The following PLA2G4E variants were observed in gnomAD, a reference collection of about 807,000 sequenced individuals.
PLA2G4E encodes the protein phospholipase A2 group IVE, also known as cytosolic phospholipase A2 epsilon.
A neutral mutation model predicts 109.1 loss-of-function variants in PLA2G4E; 84 were observed. The ratio of observed to expected loss-of-function variants is 0.77; its 90% CI spans 0.65 to 0.92. The LOEUF (loss-of-function observed/expected upper bound fraction) is 0.92. PLA2G4E is among the 40% of genes least tolerant of loss of function. The pLI is 0.00. For synonymous variants in PLA2G4E, 469 were observed against 436.1 expected (o/e 1.08, Z -0.94); for missense variants, 1,057 against 1,076.6 (o/e 0.98, Z 0.25).
At chr15:42,017,920 C>G (rs116105679) in intron 1 of PLA2G4E, among the ~76,000 whole-genome samples, 291 of 152,304 alleles carry the variant, frequency 1.9e-3, no homozygotes, top group African/African-American at 6.6e-3. Context: ...TCCACTTGAG[C>G]CTTAGATCAC....
chr15:42,002,287 A>AAAAAAAAC (rs1555386330), intron 6 of PLA2G4E, among the ~76,000 whole-genome samples: 1 of 140,816 alleles, frequency 7.1e-6, no homozygotes, highest in Admixed American at 7.0e-5. Context: ...AAAAAAAAAA[A>AAAAAAAAC]GGTAAACTGT....
rs533773308 is a variant in PLA2G4E, at chr15:42,037,065, C to T, written c.183+13456G>A. Among the ~76,000 whole-genome samples the T allele has an allele frequency of 3.9e-5, 6 of 152,350 alleles. No individual in the cohort carries two copies. The South Asian group carries it at 1.0e-3, about 26-fold the overall frequency. On this transcript the variant is annotated intron_variant, in intron 1 of 19. Transcript: ENST00000399518. The stretch of plus-strand genomic sequence containing the variant: ...TCAGCCCCCTCCAGACTTTGGGTGC[C>T]AACGAGCATGGGGTGGGGGGTGAGG...
At chr15:42,040,200 A>G (rs1005255293) in intron 1 of PLA2G4E, among the ~76,000 whole-genome samples, 2 of 151,838 alleles carry the variant, frequency 1.3e-5, no homozygotes, top group Non-Finnish European at 2.9e-5. Context: ...ACACACACAC[A>G]CACGCACACA....
intron 1 of PLA2G4E, among the ~76,000 whole-genome samples, chr15:42,044,834 TG>T (rs370491252): frequency 1.3e-5 from 2 of 149,552 alleles, no homozygotes; most frequent in African/African-American, 4.9e-5. Flanking sequence ...GGCTGCTGGG[TG>T]GGGACAGAAT....
At position 42,002,264 on chromosome 15, in the gene PLA2G4E, C is replaced by CAAAAA. The variant is rs71108143; in HGVS notation, c.609+385_609+389dup. Among the ~76,000 whole-genome samples the CAAAAA allele has an allele frequency of 3.1e-3, 229 of 73,122 alleles. 6 individuals carry two copies. Among genetic ancestry groups the CAAAAA allele is most frequent in the East Asian group, 0.013 (27 of 2,092 alleles). The allele number at this position is 73,122 out of a possible 152,430, so 48.0% of individuals were successfully genotyped here. ...TGGGCGACAGAGTGAGACCTTGTCTCAAAAAAAAAAAAAAAAAAAAAAAGG... is the reference window on the plus strand; with the variant it reads ...TGGGCGACAGAGTGAGACCTTGTCTCAAAAAAAAAAAAAAAAAAAAAAAAAAAAGG... On this transcript the variant is annotated intron_variant, in intron 6 of 19. Coordinates refer to ENST00000399518, the Ensembl canonical transcript of PLA2G4E.
chr15:41,995,546 T>C (rs768873259), intron 11 of PLA2G4E, 50 bp from the exon 12 acceptor site: 1 of 1,602,822 alleles, frequency 6.2e-7, no homozygotes, highest in Middle Eastern at 1.7e-4. Flanking sequence ...GAAGCAAAGC[T>C]TGGGAGAAGA....
chr15:42,031,918 A>G (rs1595576216), intron 1 of PLA2G4E, among the ~76,000 whole-genome samples: 1 of 152,166 alleles, frequency 6.6e-6, no homozygotes, highest in Admixed American at 6.5e-5. Flanking sequence ...GTGATCCCCA[A>G]TGTTGGAAGT....
chr15:42,036,113 G>A (rs1253248846), intron 1 of PLA2G4E, among the ~76,000 whole-genome samples: 6 of 152,188 alleles, frequency 3.9e-5, no homozygotes, highest in Admixed American at 3.9e-4. Flanking sequence ...TTGTGGGTTA[G>A]ACATTTAAGC....
chr15:42,032,012 C>T (rs1049228861), intron 1 of PLA2G4E, among the ~76,000 whole-genome samples: 4 of 152,066 alleles, frequency 2.6e-5, no homozygotes, highest in East Asian at 1.9e-4. Flanking sequence ...AGTGAGTTCT[C>T]GCTCTGAGTT....
At chr15:41,999,964 G>C in exon 9 of PLA2G4E, 1 of 1,611,314 alleles carries the variant, frequency 6.2e-7, no homozygotes, top group South Asian at 1.1e-5. Flanking sequence ...TCGAGGGGCT[G>C]GCTGATGGGG....
chr15:42,041,032 G>A (rs116811863), intron 1 of PLA2G4E, among the ~76,000 whole-genome samples: 1,709 of 152,288 alleles, frequency 0.011, 30 homozygotes, highest in African/African-American at 0.039. Context: ...TTGATAAGAC[G>A]TAGTGTTGGT....
rs8030775 is a variant in PLA2G4E at position 41,985,964 on chromosome 15, C to T, written c.2077G>A (p.Ala693Thr). The T allele has an allele frequency of 1.3e-3, 2,161 of 1,603,094 alleles. 32 individuals are homozygous for T. The African/African-American group carries it at 0.026, about 19-fold the overall frequency. Residue 693 changes from alanine to threonine, a missense_variant, in exon 18 of 20, where the codon GCG becomes ACG. Coordinates refer to ENST00000399518, the Ensembl canonical transcript of PLA2G4E. ...GTGTCCAGCAGGCACAGGTGGTTCG[C>T]GGACTCGGTCAGCTGGTTTGGGAAA...
At chr15:42,005,955 A>T (rs148464833) in intron 4 of PLA2G4E, 35 bp downstream of exon 4, 7 of 1,608,178 alleles carry the variant, frequency 4.4e-6, no homozygotes, top group South Asian at 1.1e-5. Flanking sequence ...GGTTATCATG[A>T]AGCCGGAGTC....
intron 1 of PLA2G4E, 78 bp from the exon 2 acceptor site, chr15:42,013,835 A>G: frequency 1.8e-6 from 2 of 1,136,292 alleles, no homozygotes; most frequent in Non-Finnish European, 1.2e-6. Context: ...CTTTCCCGCT[A>G]TGCCTCCTCA....
chr15:42,037,403 T>C (rs892005511), intron 1 of PLA2G4E, among the ~76,000 whole-genome samples: 2 of 152,178 alleles, frequency 1.3e-5, no homozygotes, highest in East Asian at 3.9e-4. Flanking sequence ...AGCTTCCCAC[T>C]CCAGGGCCTC....
At chr15:42,002,153 CA>C (rs1566840783) in intron 6 of PLA2G4E, among the ~76,000 whole-genome samples, 1 of 144,658 alleles carries the variant, frequency 6.9e-6, no homozygotes, top group Admixed American at 7.3e-5. Context: ...CTACAAAATA[CA>C]AAATAATAGC....
chr15:42,038,353 T>C (rs934387570), intron 1 of PLA2G4E, among the ~76,000 whole-genome samples: 1 of 152,188 alleles, frequency 6.6e-6, no homozygotes, highest in African/African-American at 2.4e-5. Flanking sequence ...CACTGTAATA[T>C]ATAATAAAAT....
In PLA2G4E at chr15:41,989,553, C is replaced by G. The variant is rs747337830; in HGVS notation, c.1586-1G>C. The G allele has an allele frequency of 6.2e-7, 1 of 1,612,984 alleles. No homozygotes were observed. The highest frequency in any genetic ancestry group is 1.7e-5 in the Admixed American group (1 of 59,954). ...TCGTAGGGGGAGAACTCGAACCACT[C>G]TGCACATGAAGCAGCAGGACGGGGG... is the stretch of plus-strand genomic sequence containing the variant. On this transcript the variant is annotated splice_acceptor_variant, in intron 14 of 19. Coordinates refer to ENST00000399518, the Ensembl canonical transcript of PLA2G4E. LOFTEE classifies it high-confidence loss of function.
chr15:42,014,577 C>T (rs1342405007), intron 1 of PLA2G4E, among the ~76,000 whole-genome samples: 2 of 152,202 alleles, frequency 1.3e-5, no homozygotes, highest in East Asian at 1.9e-4. Context: ...ACACTGATCA[C>T]GCACGGTGAC....
Sources: gnomAD v4.1 joint callset for allele counts (sites outside exome capture counted in the v4.1 genomes callset) on GRCh38, gnomAD v4.1.1 for gene constraint, MANE v1.5 for transcripts, NCBI Gene and HGNC (gene_info 2026-07-23, HGNC 2026-07-21) for gene names.